Variants in CERS6 observed in about 807,000 individuals in gnomAD.
CERS6 encodes the protein ceramide synthase 6, also known as LAG1 homolog, ceramide synthase 6.
Under a neutral mutation model 56.8 loss-of-function variants are expected in CERS6, and 26 were observed. The ratio of observed to expected loss-of-function variants is 0.46; its 90% CI spans 0.34 to 0.63. The LOEUF (loss-of-function observed/expected upper bound fraction) is 0.63, where lower values mean the gene tolerates loss of function less well. Among genes scored for constraint, CERS6 ranks in the 30% least tolerant of loss-of-function variants. The pLI is 0.01. For synonymous variants in CERS6, 164 were observed against 173.3 expected (o/e 0.95, Z 0.42); for missense variants, 415 against 467.5 (o/e 0.89, Z 1.04).
At chr2:168,670,224 A>T (rs1574146063) in intron 4 of CERS6, among the ~76,000 whole-genome samples, 1 of 152,210 alleles carries the variant, frequency 6.6e-6, no homozygotes, top group Non-Finnish European at 1.5e-5. Context: ...AGCTGATAGG[A>T]TGTCAATTTA....
At chr2:168,679,324 G>T (rs545407707) in intron 4 of CERS6, among the ~76,000 whole-genome samples, 1 of 152,160 alleles carries the variant, frequency 6.6e-6, no homozygotes, top group Non-Finnish European at 1.5e-5. Flanking sequence ...CTTTTGAGTG[G>T]TTTCACCACA....
chr2:168,609,108 C>G (rs1259066865), intron 3 of CERS6, among the ~76,000 whole-genome samples: 1 of 152,172 alleles, frequency 6.6e-6, no homozygotes, highest in East Asian at 1.9e-4. Flanking sequence ...TCAAAGGTGA[C>G]TTCAAGGGCA....
intron 3 of CERS6, among the ~76,000 whole-genome samples, chr2:168,622,765 A>G (rs1327399696): frequency 1.3e-5 from 2 of 152,212 alleles, no homozygotes; most frequent in African/African-American, 2.4e-5. Context: ...TTAATTATTG[A>G]TGGAGGTGGA....
At chr2:168,768,218 T>C (rs1684770292) in intron 9 of CERS6, among the ~76,000 whole-genome samples, 1 of 151,098 alleles carries the variant, frequency 6.6e-6, no homozygotes, top group East Asian at 2.0e-4. Flanking sequence ...GGAGCCAGTT[T>C]TTTTTGTTTT....
chr2:168,723,416 T>G (rs1366790157), intron 8 of CERS6, among the ~76,000 whole-genome samples: 3 of 152,158 alleles, frequency 2.0e-5, no homozygotes, highest in Admixed American at 6.6e-5. Context: ...CCAGCCAGTA[T>G]TCAAAAAACA....
intron 3 of CERS6, among the ~76,000 whole-genome samples, chr2:168,614,476 A>T (rs908754587): frequency 6.6e-6 from 1 of 152,172 alleles, no homozygotes; most frequent in African/African-American, 2.4e-5. Flanking sequence ...GCCTGGGGCA[A>T]GTTCTCAGCC....
chr2:168,666,246 T>G (rs1685758229), intron 4 of CERS6, among the ~76,000 whole-genome samples: 1 of 152,212 alleles, frequency 6.6e-6, no homozygotes, highest in Non-Finnish European at 1.5e-5. Context: ...TATAATGACA[T>G]GCATCCACCA....
chr2:168,558,740 G>GCA lies in CERS6; in HGVS notation c.277-2451_277-2450insAC, dbSNP rs1364582526. On this transcript the variant is annotated intron_variant, in intron 2 of 9. Transcript: ENST00000305747. ...AAAAATTAGCAGGGTGTGGTGGCTG[G>GCA]CGCCTGTAGTCCCAGCTACTCTGGA... 9.2e-3 allele frequency among the ~76,000 whole-genome samples: 1,403 copies of GCA among 152,266 alleles called. 13 individuals are homozygous for GCA. The highest frequency in any genetic ancestry group is 0.02 in the African/African-American group (822 of 41,544).
intron 1 of CERS6, among the ~76,000 whole-genome samples, chr2:168,468,436 C>G (rs571474494): frequency 6.6e-6 from 1 of 152,330 alleles, no homozygotes; most frequent in Non-Finnish European, 1.5e-5. Flanking sequence ...TTGGCCCTGC[C>G]ACTTGCTAGC....
At chr2:168,566,667 G>A (rs1695889158) in intron 3 of CERS6, among the ~76,000 whole-genome samples, 1 of 152,104 alleles carries the variant, frequency 6.6e-6, no homozygotes. Context: ...TGATGACAGG[G>A]GAAGGGAAGT....
At chr2:168,748,230 G>A (rs1413139651) in intron 8 of CERS6, among the ~76,000 whole-genome samples, 1 of 152,156 alleles carries the variant, frequency 6.6e-6, no homozygotes, top group African/African-American at 2.4e-5. Context: ...TGCAGTGAGA[G>A]TAGAAGTCTT....
At chr2:168,548,853 G>A (rs61317827) in intron 2 of CERS6, among the ~76,000 whole-genome samples, 1 of 152,122 alleles carries the variant, frequency 6.6e-6, no homozygotes, top group Non-Finnish European at 1.5e-5. Flanking sequence ...ATCTCTGCTA[G>A]GAAGAAGAGA....
chr2:168,699,451 A>C (rs1686750205), intron 6 of CERS6, among the ~76,000 whole-genome samples: 1 of 152,220 alleles, frequency 6.6e-6, no homozygotes, highest in African/African-American at 2.4e-5. Context: ...AGGGACCAGG[A>C]TTTATAAACA....
chr2:168,609,691 G>A (rs1048946754), intron 3 of CERS6, among the ~76,000 whole-genome samples: 2 of 152,110 alleles, frequency 1.3e-5, no homozygotes, highest in Non-Finnish European at 2.9e-5. Flanking sequence ...AGAGGATTTG[G>A]ACATTGGGAA....
rs146880089 is a variant in CERS6, at chr2:168,737,728, G to T, written c.845+19750G>T. 3.8e-3 allele frequency among the ~76,000 whole-genome samples: 576 copies of T among 152,318 alleles called. 3 individuals are homozygous for T. Among genetic ancestry groups the T allele is most frequent in the African/African-American group, 0.013 (561 of 41,558 alleles). On this transcript the variant is annotated intron_variant, in intron 8 of 9. Coordinates refer to ENST00000305747, the MANE Select transcript of CERS6 (RefSeq NM_203463.3). ...TGAATTCAATATTAAGCAGCATTCA[G>T]GGAATGAGCAGTTTTCTTTTGTCCT...
chr2:168,638,499 A>C (rs1684913770), intron 4 of CERS6, among the ~76,000 whole-genome samples: 1 of 152,168 alleles, frequency 6.6e-6, no homozygotes, highest in Non-Finnish European at 1.5e-5. Flanking sequence ...TATCAATTAA[A>C]ATATATAAAC....
Position 168,568,048 on chromosome 2 carries a change from C to T in CERS6, c.407+6726C>T, listed in dbSNP as rs550942099. ...GGTTTTCCATTTAGAACAAGCCTCA[C>T]ACATTCCTTGATGGCATATGGCTAG... On this transcript the variant is annotated intron_variant, in intron 3 of 9. Coordinates refer to ENST00000305747, the MANE Select transcript of CERS6 (RefSeq NM_203463.3). Among the ~76,000 whole-genome samples, 5 of 152,324 alleles carry T rather than the reference C, an allele frequency of 3.3e-5. No individual in the cohort carries two copies. In the South Asian group the frequency reaches 1.0e-3, roughly 32 times the overall value.
At chr2:168,687,901 A>G (rs1249967676) in intron 4 of CERS6, among the ~76,000 whole-genome samples, 5 of 152,084 alleles carry the variant, frequency 3.3e-5, no homozygotes, top group Non-Finnish European at 7.4e-5. Flanking sequence ...ATGAGGTCCC[A>G]CTGTGTTGCC....
At chr2:168,731,273 T>A (rs1683524628) in intron 8 of CERS6, among the ~76,000 whole-genome samples, 1 of 152,148 alleles carries the variant, frequency 6.6e-6, no homozygotes, top group Admixed American at 6.5e-5. Context: ...TACCTGCTAA[T>A]TCTGTCGTGC....
Sources: gnomAD v4.1 joint callset for allele counts (sites outside exome capture counted in the v4.1 genomes callset) on GRCh38, gnomAD v4.1.1 for gene constraint, MANE v1.5 for transcripts, NCBI Gene and HGNC (gene_info 2026-07-23, HGNC 2026-07-21) for gene names.